IGF1R: variants seen among roughly 807,000 people sequenced by gnomAD.
The protein encoded by IGF1R is insulin like growth factor 1 receptor.
In IGF1R, 44 loss-of-function variants were observed where a neutral mutation model predicts 144.6. The ratio of observed to expected loss-of-function variants is 0.30; its 90% confidence interval spans 0.24 to 0.39. IGF1R has a LOEUF of 0.39. Ranked by LOEUF, IGF1R falls within the 10% of genes least tolerant of loss-of-function variation. IGF1R has a pLI of 1.00. For synonymous variants in IGF1R, 795 were observed against 722.8 expected, an observed-to-expected ratio of 1.10 and a Z score of -1.60; for missense variants, 1,355 against 1,833.7, an observed-to-expected ratio of 0.74 and a Z score of 4.77.
chr15:98,693,874 G>A (rs1567079542), intron 1 of IGF1R, among the ~76,000 whole-genome samples: 2 of 152,152 alleles, frequency 1.3e-5, no homozygotes, highest in Non-Finnish European at 2.9e-5. Flanking sequence ...CCAAAGTGCT[G>A]GGATTACAGG....
At chr15:98,744,951 C>T (rs1009804173) in intron 2 of IGF1R, among the ~76,000 whole-genome samples, 2 of 152,258 alleles carry the variant, frequency 1.3e-5, no homozygotes, top group East Asian at 3.9e-4. Flanking sequence ...TCCTTTCCTC[C>T]TGTTCTGCTG....
intron 1 of IGF1R, among the ~76,000 whole-genome samples, chr15:98,668,201 G>A (rs2052793860): frequency 6.6e-6 from 1 of 152,108 alleles, no homozygotes; most frequent in Admixed American, 6.5e-5. Flanking sequence ...CATTATGGGG[G>A]CTCTACCCTC....
At chr15:98,768,293 T>C (rs2055486351) in intron 2 of IGF1R, among the ~76,000 whole-genome samples, 1 of 152,124 alleles carries the variant, frequency 6.6e-6, no homozygotes, top group African/African-American at 2.4e-5. Flanking sequence ...ACTTTGGCAT[T>C]GTGCAAGAGG....
chr15:98,809,902 T>A (rs1336843935), intron 2 of IGF1R, among the ~76,000 whole-genome samples: 1 of 151,906 alleles, frequency 6.6e-6, no homozygotes, highest in Non-Finnish European at 1.5e-5. Context: ...CACCCTGGGG[T>A]CTAGGTGGGG....
intron 5 of IGF1R, among the ~76,000 whole-genome samples, chr15:98,906,454 T>C (rs867431): frequency 0.42 from 64,465 of 152,106 alleles, 13,983 homozygotes; most frequent in East Asian, 0.66. Flanking sequence ...TGGAGAAACC[T>C]ATGAGCAAGA....
At chr15:98,816,862 A>C (rs982642288) in intron 2 of IGF1R, among the ~76,000 whole-genome samples, 1 of 152,186 alleles carries the variant, frequency 6.6e-6, no homozygotes, top group Admixed American at 6.5e-5. Flanking sequence ...TGGCTCCAGA[A>C]AGCTGCCTGA....
chr15:98,713,707 C>T (rs967047769), intron 2 of IGF1R, among the ~76,000 whole-genome samples: 2 of 152,186 alleles, frequency 1.3e-5, no homozygotes, highest in African/African-American at 2.4e-5. Flanking sequence ...ACCTAAGTGC[C>T]TGTTGTTTGC....
intron 2 of IGF1R, among the ~76,000 whole-genome samples, chr15:98,774,228 C>A (rs1332748109): frequency 6.6e-6 from 1 of 152,176 alleles, no homozygotes; most frequent in Admixed American, 6.5e-5. Context: ...GAAATGCTGC[C>A]TGTTAAGTCA....
intron 2 of IGF1R, among the ~76,000 whole-genome samples, chr15:98,814,636 C>T (rs2056658252): frequency 6.6e-6 from 1 of 152,228 alleles, no homozygotes; most frequent in Non-Finnish European, 1.5e-5. Context: ...GTGTGAGCCA[C>T]TGTGCCCAGC....
chr15:98,652,317 G>T (rs1027159491), intron 1 of IGF1R, among the ~76,000 whole-genome samples: 1 of 152,200 alleles, frequency 6.6e-6, no homozygotes, highest in Non-Finnish European at 1.5e-5. Flanking sequence ...TCCTTAAAAG[G>T]ATTCAGTCAT....
At chr15:98,738,443 G>A (rs1567103353) in intron 2 of IGF1R, among the ~76,000 whole-genome samples, 1 of 152,184 alleles carries the variant, frequency 6.6e-6, no homozygotes, top group Non-Finnish European at 1.5e-5. Context: ...GACCGAGACA[G>A]GAACATCACT....
intron 2 of IGF1R, among the ~76,000 whole-genome samples, chr15:98,792,514 C>G (rs1264383642): frequency 6.6e-6 from 1 of 152,114 alleles, no homozygotes; most frequent in Non-Finnish European, 1.5e-5. Context: ...AAATCAAAAC[C>G]ATGAATCTGT....
chr15:98,842,256 TCTTTA>T (rs1363504351), intron 2 of IGF1R, among the ~76,000 whole-genome samples: 6 of 152,210 alleles, frequency 3.9e-5, no homozygotes, highest in African/African-American at 1.2e-4. Context: ...TGTTTTTACT[TCTTTA>T]CTTCCTTTGA....
Position 98,744,799 on chromosome 15 carries a change from G to A in IGF1R, c.640+36692G>A, listed in dbSNP as rs73475622. ...TCTTTTGGCGTTTGTGATGAACTTTGTATATGCTTTCCTTGTTTGATCCTT... is the reference window on the plus strand; with the variant it reads ...TCTTTTGGCGTTTGTGATGAACTTTATATATGCTTTCCTTGTTTGATCCTT... On this transcript the variant is annotated intron_variant, in intron 2 of 20. Coordinates refer to ENST00000650285, the MANE Select transcript of IGF1R (RefSeq NM_000875.5). 8.8e-3 allele frequency among the ~76,000 whole-genome samples: 1,333 copies of A among 151,192 alleles called. 20 individuals are homozygous for A. Among genetic ancestry groups the A allele is most frequent in the African/African-American group, 0.03 (1,251 of 41,160 alleles).
At chr15:98,726,485 T>C (rs1567096682) in intron 2 of IGF1R, among the ~76,000 whole-genome samples, 2 of 152,162 alleles carry the variant, frequency 1.3e-5, no homozygotes, top group Non-Finnish European at 2.9e-5. Flanking sequence ...GTAAACATGA[T>C]GTGGGTTCTA....
chr15:98,900,915 T>G (rs111753767), intron 5 of IGF1R, among the ~76,000 whole-genome samples: 376 of 152,344 alleles, frequency 2.5e-3, no homozygotes, highest in Non-Finnish European at 4.5e-3. Flanking sequence ...TGTTGCTTAA[T>G]GATATACTTT....
chr15:98,662,289 T>A (rs1233800155), intron 1 of IGF1R, among the ~76,000 whole-genome samples: 1 of 151,592 alleles, frequency 6.6e-6, no homozygotes, highest in Non-Finnish European at 1.5e-5. Context: ...CCAAGGAGGG[T>A]CTTTTTTTGC....
At chr15:98,653,991 C>T (rs1285284801) in intron 1 of IGF1R, among the ~76,000 whole-genome samples, 2 of 152,242 alleles carry the variant, frequency 1.3e-5, no homozygotes, top group African/African-American at 2.4e-5. Context: ...CCTTGTGCTA[C>T]TCAGTGCATG....
chr15:98,735,588 G>A (rs768542384), intron 2 of IGF1R, among the ~76,000 whole-genome samples: 8 of 152,244 alleles, frequency 5.3e-5, no homozygotes, highest in Non-Finnish European at 1.2e-4. Flanking sequence ...GAGGTTCCCG[G>A]CCTCAGTAAG....
Sources: gnomAD v4.1 joint callset for allele counts (sites outside exome capture counted in the v4.1 genomes callset) on GRCh38, gnomAD v4.1.1 for gene constraint, MANE v1.5 for transcripts, NCBI Gene and HGNC (gene_info 2026-07-23, HGNC 2026-07-21) for gene names.